The following HPD variants were observed in gnomAD, a reference collection of about 807,000 sequenced individuals.
HPD encodes the protein 4-hydroxyphenylpyruvate dioxygenase.
Under a neutral mutation model 56.9 loss-of-function variants are expected in HPD, and 35 were observed. The observed-to-expected ratio is 0.62, with a 90% CI of 0.47 to 0.82. HPD has a LOEUF of 0.82. Among genes scored for constraint, HPD ranks in the 40% least tolerant of loss-of-function variants. HPD has a pLI of 0.00. For missense variants in HPD, 442 were observed against 506.8 expected, an observed-to-expected ratio of 0.87 and a Z score of 1.23; for synonymous variants, 186 against 200.2, an observed-to-expected ratio of 0.93 and a Z score of 0.60.
intron 2 of HPD, 30 bp from the exon 3 acceptor site, chr12:121,857,849 G>C: frequency 6.3e-7 from 1 of 1,577,612 alleles, no homozygotes; most frequent in South Asian, 1.1e-5. Flanking sequence ...GTGAGGTTGA[G>C]TCCCTGAAAG....
chr12:121,843,705 C>T lies in HPD; in HGVS notation c.954+5G>A, dbSNP rs1252680307. ...ACAAGGCTGCGGATCCTGCCTGGGC[C>T]TCACCTCCAGGGCATCAATGTTCTC... On this transcript the variant is annotated splice_donor_5th_base_variant and intron_variant, in intron 12 of 13. Coordinates refer to ENST00000289004, the MANE Select transcript of HPD (RefSeq NM_002150.3). 3 of 1,613,918 alleles carry T rather than the reference C, an allele frequency of 1.9e-6. No individual in the cohort carries two copies. Among genetic ancestry groups the T allele is most frequent in the African/African-American group, 2.7e-5 (2 of 74,916 alleles).
upstream of HPD, among the ~76,000 whole-genome samples, chr12:121,861,128 G>T (rs766722685): frequency 6.6e-6 from 1 of 152,086 alleles, no homozygotes; most frequent in Non-Finnish European, 1.5e-5. Flanking sequence ...CTGAGGTCAG[G>T]AGTTTGAGAC....
At chr12:121,854,900 T>C (rs1877939766) in intron 6 of HPD, 108 bp from the exon 7 acceptor site, 4 of 825,436 alleles carry the variant, frequency 4.8e-6, no homozygotes, top group Non-Finnish European at 8.5e-6. Flanking sequence ...GCCCCTCCAG[T>C]TTCTCCAGCC....
At chr12:121,841,640 A>G (rs1877410293) in intron 12 of HPD, among the ~76,000 whole-genome samples, 1 of 152,134 alleles carries the variant, frequency 6.6e-6, no homozygotes, top group Admixed American at 6.6e-5. Flanking sequence ...CCTTGAGCAC[A>G]TGCTATGGGA....
chr12:121,841,876 G>T (rs1415386698), intron 12 of HPD, among the ~76,000 whole-genome samples: 2 of 151,970 alleles, frequency 1.3e-5, no homozygotes, highest in Non-Finnish European at 2.9e-5. Context: ...GTAGAGACAG[G>T]GTTTCACCAT....
chr12:121,840,723 G>C (rs925663392), intron 12 of HPD, among the ~76,000 whole-genome samples: 4 of 152,022 alleles, frequency 2.6e-5, no homozygotes. Flanking sequence ...AAACAGTCTG[G>C]CAGCTTCTCA....
At chr12:121,884,174 T>C in the HPD span, among the ~76,000 whole-genome samples, 866 of 46,312 alleles carry the variant, frequency 0.019, 7 homozygotes, top group African/African-American at 0.07. Context: ...TTCCTCTCTT[T>C]TTTTTTTTTT....
the HPD span, among the ~76,000 whole-genome samples, chr12:121,875,513 T>TCTG: frequency 6.8e-6 from 1 of 148,034 alleles, no homozygotes; most frequent in Non-Finnish European, 1.5e-5. Context: ...GCAACCTCCA[T>TCTG]CTGCCAGGCT....
intron 11 of HPD, among the ~76,000 whole-genome samples, chr12:121,845,116 CAT>C (rs894870061): frequency 6.7e-6 from 1 of 148,316 alleles, no homozygotes; most frequent in Non-Finnish European, 1.5e-5. Flanking sequence ...TATACACACA[CAT>C]ATATATATTT....
upstream of HPD, among the ~76,000 whole-genome samples, chr12:121,860,859 T>A (rs905651467): frequency 6.6e-6 from 1 of 151,830 alleles, no homozygotes; most frequent in Non-Finnish European, 1.5e-5. Flanking sequence ...TGAGCTATGA[T>A]CACGCCACTG....
intron 11 of HPD, 142 bp downstream of exon 11, chr12:121,846,720 C>T (rs1210936993): frequency 1.3e-6 from 1 of 777,692 alleles, no homozygotes; most frequent in Admixed American, 2.0e-5. Flanking sequence ...CCATGAGTTG[C>T]AAGAAGCAGT....
In HPD at chr12:121,839,616, C is replaced by A; in HGVS notation, c.*112G>T. 1 of 805,408 alleles carries A rather than the reference C, an allele frequency of 1.2e-6. No individual in the cohort carries two copies. Among genetic ancestry groups the A allele is most frequent in the Non-Finnish European group, 2.1e-6 (1 of 473,062 alleles). 49.9% of individuals were successfully genotyped at this position (805,408 alleles called of 1,614,324 possible). ...TCAGTGTGGGCGGAGCCTTGGGGGC[C>A]GAGTCCGCTGGTGGGCGGGACCCAA... On this transcript the variant is annotated 3_prime_UTR_variant, in exon 14 of 14. Transcript: ENST00000289004.
chr12:121,882,310 G>C, the HPD span, among the ~76,000 whole-genome samples: 1 of 152,040 alleles, frequency 6.6e-6, no homozygotes, highest in African/African-American at 2.4e-5. Context: ...TCTCGCCAGG[G>C]ATCTCTAGTT....
At position 121,851,682 on chromosome 12, in the gene HPD, CATTT is replaced by C. The variant is rs1240851881; in HGVS notation, c.415-1896_415-1893del. Among the ~76,000 whole-genome samples, 99 of 25,400 alleles carry C rather than the reference CATTT, an allele frequency of 3.9e-3. 1 individual carries two copies. Among genetic ancestry groups the C allele is most frequent in the South Asian group, 0.013 (10 of 780 alleles). The allele number at this position is 25,400 out of a possible 152,430, so 16.7% of individuals were successfully genotyped here. A position where few individuals can be genotyped will look rare whatever the true frequency, so the allele number is the denominator to read the frequency against. On this transcript the variant is annotated intron_variant, in intron 7 of 13. Transcript: ENST00000289004. ...TTTAACTTTTTAAAACATTTTTATT[CATTT>C]ATTTATTTATTTATTTTTTTTTTTT...
At chr12:121,877,142 G>A in the HPD span, among the ~76,000 whole-genome samples, 5 of 151,504 alleles carry the variant, frequency 3.3e-5, no homozygotes, top group African/African-American at 9.7e-5. Context: ...TTACCTACAG[G>A]GATAGAAGTG....
Position 121,858,830 on chromosome 12 carries a change from T to C in HPD, c.-7A>G, listed in dbSNP as rs1375324418. ...TGGCCATGGCACTTACCATGATTGATCTTAGTCAAACCTCCTACTGGGACT... is the reference window on the plus strand; with the variant it reads ...TGGCCATGGCACTTACCATGATTGACCTTAGTCAAACCTCCTACTGGGACT... On this transcript the variant is annotated 5_prime_UTR_variant, in exon 1 of 14. Coordinates refer to ENST00000289004, the MANE Select transcript of HPD (RefSeq NM_002150.3). The C allele has an allele frequency of 1.9e-6, 3 of 1,614,112 alleles. No homozygotes were observed. The highest frequency in any genetic ancestry group is 1.7e-5 in the Admixed American group (1 of 60,006).
chr12:121,842,322 G>T (rs1241996066), intron 12 of HPD, among the ~76,000 whole-genome samples: 2 of 151,702 alleles, frequency 1.3e-5, no homozygotes, highest in East Asian at 3.9e-4. Flanking sequence ...GTAGATACAG[G>T]GTCGCCCTGT....
chr12:121,877,836 T>C, the HPD span, among the ~76,000 whole-genome samples: 1 of 152,304 alleles, frequency 6.6e-6, no homozygotes, highest in South Asian at 2.1e-4. Context: ...TCCAGACAGT[T>C]GTTGCCTGTG....
chr12:121,880,297 G>A, the HPD span, among the ~76,000 whole-genome samples: 1 of 151,594 alleles, frequency 6.6e-6, no homozygotes, highest in Non-Finnish European at 1.5e-5. Context: ...CTGCCTCCCA[G>A]GTTTAAGAGA....
Sources: allele counts gnomAD v4.1 joint callset (sites outside exome capture counted in the v4.1 genomes callset), GRCh38; gene constraint gnomAD v4.1.1; transcripts MANE v1.5; gene names NCBI Gene and HGNC (gene_info 2026-07-23, HGNC 2026-07-21).